VWA2: variants seen among roughly 807,000 people sequenced by gnomAD.
VWA2 encodes the protein von Willebrand factor A domain-containing protein 2.
A neutral mutation model predicts 70.4 loss-of-function variants in VWA2; 73 were observed. The observed-to-expected ratio is 1.04, with a 90% CI of 0.86 to 1.26. The LOEUF (loss-of-function observed/expected upper bound fraction) is 1.26. Ranked by LOEUF, VWA2 falls within the 50% of genes most tolerant of loss-of-function variation. The probability of loss-of-function intolerance (pLI) is 0.00; values close to 1 mark genes in which losing one functional copy is unlikely to be tolerated. For synonymous variants in VWA2, 407 were observed against 423.3 expected (o/e 0.96, Z 0.47); for missense variants, 1,011 against 998.5 (o/e 1.01, Z -0.17).
chr10:114,286,600 G>A, intron 11 of VWA2, 89 bp downstream of exon 11: 1 of 1,179,696 alleles, frequency 8.5e-7, no homozygotes, highest in Non-Finnish European at 1.2e-6. Context: ...TTTTCTGCCA[G>A]TGCCTCTTCT....
chr10:114,267,161 C>A (rs1465668476), intron 5 of VWA2, among the ~76,000 whole-genome samples: 1 of 152,230 alleles, frequency 6.6e-6, no homozygotes, highest in East Asian at 1.9e-4. Context: ...GTCACCCAGG[C>A]TGGAGTGCAG....
intron 4 of VWA2, among the ~76,000 whole-genome samples, chr10:114,258,775 CA>C (rs1317954371): frequency 6.6e-6 from 1 of 152,226 alleles, no homozygotes; most frequent in Non-Finnish European, 1.5e-5. Context: ...TCACTTTGTG[CA>C]AATACAGGCA....
chr10:114,287,738 A>G lies in VWA2; in HGVS notation c.1571-1200A>G, dbSNP rs186721976. Among the ~76,000 whole-genome samples, 5 of 152,328 alleles carry G rather than the reference A, an allele frequency of 3.3e-5. No individual in the cohort carries two copies. In the East Asian group the frequency reaches 9.6e-4, roughly 29 times the overall value. On this transcript the variant is annotated intron_variant, in intron 11 of 13. Coordinates refer to ENST00000392982, the MANE Select transcript of VWA2 (RefSeq NM_001272046.2). ...GATTTATAGGAAAAAATAATTGACA[A>G]TAGTGGAGAGTTCCCTATACCCCAC...
intron 5 of VWA2, among the ~76,000 whole-genome samples, chr10:114,266,292 G>A (rs971600538): frequency 1.1e-4 from 16 of 151,618 alleles, no homozygotes; most frequent in South Asian, 2.1e-4. Flanking sequence ...GCAAGACTCC[G>A]TCTCAAAGAA....
Position 114,286,028 on chromosome 10 carries a change from A to G in VWA2, c.1087A>G (p.Lys363Glu). Reference protein sequence around the residue: ...GTTLDGFLRAKVFVKRFVRAV... With the variant: ...GTTLDGFLRAEVFVKRFVRAV... ...CACTCTGGACGGCTTCCTGCGGGCC[A>G]AAGTCTTCGTGAAGCGGTTTGTGCG... Residue 363 changes from lysine (K) to glutamate (E), a missense_variant, in exon 11 of 14, where the codon AAA (lysine) becomes GAA (glutamate). Lys to Glu is a moderately conservative substitution (Grantham distance 56, BLOSUM62 1). Coordinates refer to ENST00000392982, the MANE Select transcript of VWA2 (RefSeq NM_001272046.2). The G allele has an allele frequency of 6.2e-7, 1 of 1,614,138 alleles. No individual in the cohort carries two copies. The highest frequency in any genetic ancestry group is 8.5e-7 in the Non-Finnish European group (1 of 1,180,000).
At chr10:114,277,364 A>G (rs747355910) in intron 6 of VWA2, among the ~76,000 whole-genome samples, 10 of 151,234 alleles carry the variant, frequency 6.6e-5, no homozygotes, top group Non-Finnish European at 1.2e-4. Context: ...TTGTATTTTT[A>G]GTAGAGATGG....
chr10:114,268,584 T>C (rs1219237534), intron 5 of VWA2, among the ~76,000 whole-genome samples: 2 of 152,192 alleles, frequency 1.3e-5, no homozygotes, highest in Non-Finnish European at 2.9e-5. Context: ...CTGTCACTAT[T>C]CTCTGAGTGG....
chr10:114,279,572 CAA>C (rs2037959508), intron 8 of VWA2, among the ~76,000 whole-genome samples: 1 of 152,160 alleles, frequency 6.6e-6, no homozygotes, highest in African/African-American at 2.4e-5. Context: ...ATGGAGAATC[CAA>C]AGACTGTTTC....
At chr10:114,262,776 G>A (rs909929130) in intron 5 of VWA2, among the ~76,000 whole-genome samples, 1 of 152,094 alleles carries the variant, frequency 6.6e-6, no homozygotes, top group Non-Finnish European at 1.5e-5. Context: ...CAGATCAAGC[G>A]GCAAGTCATC....
At chr10:114,279,247 A>C (rs1364044521) in intron 8 of VWA2, among the ~76,000 whole-genome samples, 1 of 152,152 alleles carries the variant, frequency 6.6e-6, no homozygotes, top group Middle Eastern at 3.2e-3. Context: ...GATGAATTCC[A>C]GTCAGGGAGG....
At chr10:114,246,525 AC>A (rs369259396) in intron 1 of VWA2, 16,788 of 764,156 alleles carry the variant, frequency 0.022, 365 homozygotes, top group Middle Eastern at 0.046. Flanking sequence ...AAAAAAAAAA[AC>A]GAGTATCATG....
chr10:114,256,928 A>T (rs888966349), intron 4 of VWA2, among the ~76,000 whole-genome samples: 20 of 150,860 alleles, frequency 1.3e-4, no homozygotes, highest in Admixed American at 2.0e-4. Flanking sequence ...AAAAAAAAAA[A>T]AAAATTAAGA....
At chr10:114,259,355 C>T (rs771521629) in intron 4 of VWA2, among the ~76,000 whole-genome samples, 72 of 152,040 alleles carry the variant, frequency 4.7e-4, no homozygotes, top group Non-Finnish European at 9.9e-4. Context: ...TATGTTGATT[C>T]CCAGACACCT....
rs192713210 is a variant in VWA2, at chr10:114,293,105, G to A, written c.*1868G>A. 8.5e-5 allele frequency among the ~76,000 whole-genome samples: 13 copies of A among 152,282 alleles called. No homozygotes were observed. The East Asian group carries it at 9.6e-4, about 11-fold the overall frequency. On this transcript the variant is annotated 3_prime_UTR_variant, in exon 14 of 14. Transcript: ENST00000392982. ...TCAGGATTTCTGGTGCTAGAAAAGC[G>A]CTTGAAGCAGTATCACCAAGATTTT...
At chr10:114,264,844 C>T (rs755602238) in intron 5 of VWA2, among the ~76,000 whole-genome samples, 5 of 152,180 alleles carry the variant, frequency 3.3e-5, no homozygotes, top group South Asian at 2.1e-4. Flanking sequence ...CTCAGCCTCC[C>T]GAGTAGCTAG....
At chr10:114,286,916 G>GTGCACACATGCACATGTA (rs1564743321) in intron 11 of VWA2, among the ~76,000 whole-genome samples, 1 of 152,118 alleles carries the variant, frequency 6.6e-6, no homozygotes, top group Non-Finnish European at 1.5e-5. Context: ...TGTGTTCCTG[G>GTGCACACATGCACATGTA]TGCACACATG....
chr10:114,264,855 G>A (rs572368401), intron 5 of VWA2, among the ~76,000 whole-genome samples: 1 of 152,294 alleles, frequency 6.6e-6, no homozygotes, highest in Non-Finnish European at 1.5e-5. Flanking sequence ...GAGTAGCTAG[G>A]ACTATAGGCG....
Position 114,252,374 on chromosome 10 carries a change from A to G in VWA2, c.53-1277A>G, listed in dbSNP as rs191701615. 1.1e-4 allele frequency among the ~76,000 whole-genome samples: 17 copies of G among 152,220 alleles called. No homozygotes were observed. In the East Asian group the frequency reaches 2.3e-3, roughly 21 times the overall value. On this transcript the variant is annotated intron_variant, in intron 2 of 13. Coordinates refer to ENST00000392982, the MANE Select transcript of VWA2 (RefSeq NM_001272046.2). The stretch of plus-strand genomic sequence containing the variant: ...GGGGAGGAGGGAGTATTAGGTGAGC[A>G]GGAGCTGTCTGCTCAAAGATATGGT...
In VWA2 at chr10:114,286,352, C is replaced by T. The variant is rs370405238; in HGVS notation, c.1411C>T (p.Arg471Ter). 9.3e-6 allele frequency: 15 copies of T among 1,613,636 alleles called. No homozygotes were observed. Among genetic ancestry groups the T allele is most frequent in the South Asian group, 7.7e-5 (7 of 91,040 alleles). The change falls in exon 11 of 14, where the codon CGA becomes TGA. Residue 471 changes from arginine (R) to a stop codon, truncating the protein, a stop_gained. Coordinates refer to ENST00000392982, the MANE Select transcript of VWA2 (RefSeq NM_001272046.2). LOFTEE classifies it high-confidence loss of function. ...GGGCCCAGCGCGTCACGCAAGGGCG[C>T]GAGAGCTGCTCCTGCTGGGTGTAGG... Reference protein sequence around the residue: ...VAGPARHARARELLLLGVGSE... With the variant: ...VAGPARHARA
Sources: gnomAD v4.1 joint callset for allele counts (sites outside exome capture counted in the v4.1 genomes callset) on GRCh38, gnomAD v4.1.1 for gene constraint, MANE v1.5 for transcripts, NCBI Gene and HGNC (gene_info 2026-07-23, HGNC 2026-07-21) for gene names.